SEMA3A: variants seen among roughly 807,000 people sequenced by gnomAD.
SEMA3A encodes the protein semaphorin 3A.
SEMA3A carries 29 observed loss-of-function variants against 97.9 expected under a neutral mutation model. That is an observed-to-expected ratio of 0.30 (90% CI 0.22 to 0.40). The LOEUF (loss-of-function observed/expected upper bound fraction) is 0.40, where lower values mean the gene tolerates loss of function less well. Among genes scored for constraint, SEMA3A ranks in the 10% least tolerant of loss-of-function variants. The pLI, the probability that SEMA3A is intolerant of heterozygous loss-of-function variation, is 1.00. For missense variants in SEMA3A, 763 were observed against 951.3 expected, an observed-to-expected ratio of 0.80 and a Z score of 2.60; for synonymous variants, 321 against 323.7, an observed-to-expected ratio of 0.99 and a Z score of 0.09.
intron 2 of SEMA3A, among the ~76,000 whole-genome samples, chr7:84,364,101 T>TTTAC (rs2116075885): frequency 6.6e-6 from 1 of 151,772 alleles, no homozygotes; most frequent in Non-Finnish European, 1.5e-5. Flanking sequence ...TAACATATGA[T>TTTAC]TTATTATAGT....
intron 4 of SEMA3A, among the ~76,000 whole-genome samples, chr7:84,093,756 T>C (rs747242332): frequency 1.3e-5 from 2 of 151,930 alleles, no homozygotes; most frequent in African/African-American, 4.8e-5. Context: ...TGAGAATACA[T>C]GGACGCAGGG....
intron 12 of SEMA3A, among the ~76,000 whole-genome samples, chr7:83,991,907 C>A (rs1789960215): frequency 1.4e-5 from 2 of 147,860 alleles, no homozygotes; most frequent in African/African-American, 5.1e-5. Flanking sequence ...ACCAGTTCCT[C>A]CTTGTACCTC....
At chr7:84,223,630 AT>A (rs954514943) in intron 3 of SEMA3A, among the ~76,000 whole-genome samples, 2 of 151,840 alleles carry the variant, frequency 1.3e-5, no homozygotes, top group Non-Finnish European at 2.9e-5. Context: ...TAGAATGGGG[AT>A]TCTAAAAACC....
chr7:84,435,605 AAAAC>A (rs368458406), intron 1 of SEMA3A, among the ~76,000 whole-genome samples: 17 of 152,150 alleles, frequency 1.1e-4, no homozygotes, highest in East Asian at 9.6e-4. Context: ...AAATTCTGTC[AAAAC>A]AAACAAACAA....
chr7:83,993,394 C>G (rs540127334), intron 12 of SEMA3A, among the ~76,000 whole-genome samples: 7 of 151,614 alleles, frequency 4.6e-5, no homozygotes, highest in Non-Finnish European at 1.0e-4. Context: ...TTAGTTGATG[C>G]AGTTTCTTCC....
intron 15 of SEMA3A, among the ~76,000 whole-genome samples, 193 bp downstream of exon 15, chr7:83,976,939 A>G (rs955701144): frequency 3.3e-5 from 5 of 152,156 alleles, no homozygotes; most frequent in Non-Finnish European, 7.4e-5. Flanking sequence ...AATAAAACAT[A>G]ATTTATGATA....
At chr7:84,326,825 A>G (rs1260129995) in intron 2 of SEMA3A, among the ~76,000 whole-genome samples, 1 of 152,014 alleles carries the variant, frequency 6.6e-6, no homozygotes, top group Non-Finnish European at 1.5e-5. Flanking sequence ...TTAACTCGAG[A>G]TTGATTAAAG....
chr7:84,487,161 A>G (rs1269567481), intron 1 of SEMA3A, among the ~76,000 whole-genome samples: 1 of 152,168 alleles, frequency 6.6e-6, no homozygotes, highest in African/African-American at 2.4e-5. Flanking sequence ...ATGAAAAGAA[A>G]TATTTAATAT....
chr7:84,199,901 A>C (rs1240584073), upstream of SEMA3A, among the ~76,000 whole-genome samples: 1 of 152,146 alleles, frequency 6.6e-6, no homozygotes, highest in East Asian at 1.9e-4. Context: ...GGTTAAAAGC[A>C]ATGTTTAAGA....
Position 84,414,598 on chromosome 7 carries a change from C to T in SEMA3A, c.-245-42698G>A, listed in dbSNP as rs553731423. ...GTATAATAGGAAGTACACAACATCA[C>T]GTGTAGTATTCTTGTCAAAGTTGTT... On this transcript the variant is annotated intron_variant, in intron 1 of 3. Coordinates refer to the SEMA3A transcript ENST00000424555. 4.6e-5 allele frequency among the ~76,000 whole-genome samples: 7 copies of T among 152,072 alleles called. No homozygotes were observed. The East Asian group carries it at 9.7e-4, about 21-fold the overall frequency.
At chr7:84,013,167 TTTTC>T (rs1483099450) in intron 7 of SEMA3A, among the ~76,000 whole-genome samples, 1 of 152,144 alleles carries the variant, frequency 6.6e-6, no homozygotes, top group East Asian at 1.9e-4. Flanking sequence ...GGGCTTATGA[TTTTC>T]TTTATTTGAA....
chr7:84,037,942 A>G (rs2116479648), intron 6 of SEMA3A, among the ~76,000 whole-genome samples: 1 of 152,090 alleles, frequency 6.6e-6, no homozygotes. Context: ...GAAAATGTTT[A>G]TTTTAAGGGC....
At chr7:84,189,361 A>T (rs1797974434) in intron 1 of SEMA3A, among the ~76,000 whole-genome samples, 1 of 151,820 alleles carries the variant, frequency 6.6e-6, no homozygotes, top group Admixed American at 6.6e-5. Context: ...TTGGATAATG[A>T]TCAATTCAAA....
intron 4 of SEMA3A, among the ~76,000 whole-genome samples, chr7:84,063,970 G>C (rs1486867752): frequency 1.3e-5 from 2 of 150,938 alleles, no homozygotes; most frequent in South Asian, 2.1e-4. Context: ...ATAATTGTCA[G>C]ATTCACCAAA....
intron 1 of SEMA3A, among the ~76,000 whole-genome samples, chr7:84,402,631 T>C (rs1234644845): frequency 6.6e-6 from 1 of 152,124 alleles, no homozygotes; most frequent in African/African-American, 2.4e-5. Flanking sequence ...ATGTGGTGTA[T>C]GTACATGATG....
chr7:84,327,091 G>C (rs1450062942), intron 2 of SEMA3A, among the ~76,000 whole-genome samples: 2 of 151,850 alleles, frequency 1.3e-5, no homozygotes, highest in Non-Finnish European at 2.9e-5. Context: ...CATCTATAAG[G>C]AACTTAAATT....
chr7:84,243,554 T>A (rs1281289486), intron 3 of SEMA3A, among the ~76,000 whole-genome samples: 1 of 152,172 alleles, frequency 6.6e-6, no homozygotes, highest in African/African-American at 2.4e-5. Context: ...TTTATTAGTT[T>A]GCCTAGTGGT....
chr7:83,960,528 T>C lies in SEMA3A; in HGVS notation c.*843A>G, dbSNP rs1013608712. 1 of 152,500 alleles carries C rather than the reference T, an allele frequency of 6.6e-6. No homozygotes were observed. Among genetic ancestry groups the C allele is most frequent in the Admixed American group, 6.6e-5 (1 of 15,256 alleles). The allele number at this position is 152,500 out of a possible 1,614,324, so 9.4% of individuals were successfully genotyped here. A position where few individuals can be genotyped will look rare whatever the true frequency, so the allele number is the denominator to read the frequency against. ...ATATCCTGGTTTTAGAGATTCACTC[T>C]TAATGATGTATATGTGTTTCTAGAA... On this transcript the variant is annotated 3_prime_UTR_variant, in exon 17 of 17. Transcript: ENST00000265362.
chr7:84,417,264 A>G (rs1020768526), intron 1 of SEMA3A, among the ~76,000 whole-genome samples: 1 of 152,126 alleles, frequency 6.6e-6, no homozygotes, highest in Non-Finnish European at 1.5e-5. Flanking sequence ...AAGTAAATAT[A>G]GAAAGCTACA....
Sources: gnomAD v4.1 joint callset for allele counts (sites outside exome capture counted in the v4.1 genomes callset) on GRCh38, gnomAD v4.1.1 for gene constraint, MANE v1.5 for transcripts, NCBI Gene and HGNC (gene_info 2026-07-23, HGNC 2026-07-21) for gene names.